GRID2: variants seen among roughly 807,000 people sequenced by gnomAD.
The protein encoded by GRID2 is glutamate ionotropic receptor delta type subunit 2.
In GRID2, 33 loss-of-function variants were observed where a neutral mutation model predicts 114.8. The observed-to-expected ratio is 0.29, with a 90% CI of 0.22 to 0.38. GRID2 has a LOEUF of 0.38. Ranked by LOEUF, GRID2 falls within the 10% of genes least tolerant of loss-of-function variation. The pLI, the probability that GRID2 is intolerant of heterozygous loss-of-function variation, is 1.00. For synonymous variants in GRID2, 505 were observed against 449.9 expected (o/e 1.12, Z -1.55); for missense variants, 1,184 against 1,257.7 (o/e 0.94, Z 0.89).
intron 2 of GRID2, among the ~76,000 whole-genome samples, chr4:92,714,239 T>A (rs191931181): frequency 2.0e-5 from 3 of 152,282 alleles, no homozygotes; most frequent in Non-Finnish European, 4.4e-5. Flanking sequence ...TCCAAAATTA[T>A]CTCCTTTGAC....
At chr4:92,961,875 A>T (rs12186311) in intron 2 of GRID2, among the ~76,000 whole-genome samples, 1 of 150,406 alleles carries the variant, frequency 6.6e-6, no homozygotes. Context: ...ATCTTTTTTT[A>T]TTTTTCTTTT....
chr4:92,878,788 C>G (rs1371818213), intron 2 of GRID2, among the ~76,000 whole-genome samples: 2 of 151,938 alleles, frequency 1.3e-5, no homozygotes, highest in Non-Finnish European at 2.9e-5. Flanking sequence ...GAGATGACAT[C>G]CATACAAGGA....
At chr4:93,427,516 T>G (rs1188360933) in intron 10 of GRID2, among the ~76,000 whole-genome samples, 1 of 152,014 alleles carries the variant, frequency 6.6e-6, no homozygotes, top group Non-Finnish European at 1.5e-5. Flanking sequence ...AGTGCAATTA[T>G]ATATATCATA....
intron 2 of GRID2, among the ~76,000 whole-genome samples, chr4:92,738,419 G>C (rs1051358195): frequency 1.3e-5 from 2 of 152,062 alleles, no homozygotes; most frequent in Admixed American, 6.6e-5. Context: ...CTGTTTCCTT[G>C]GTTGTTGCAG....
At chr4:93,601,119 G>A (rs1193764376) in intron 13 of GRID2, among the ~76,000 whole-genome samples, 1 of 152,208 alleles carries the variant, frequency 6.6e-6, no homozygotes, top group African/African-American at 2.4e-5. Context: ...CATTGAATTT[G>A]AGACTCAAAA....
chr4:93,372,525 C>G (rs1763027225), intron 8 of GRID2, among the ~76,000 whole-genome samples: 1 of 152,032 alleles, frequency 6.6e-6, no homozygotes, highest in Non-Finnish European at 1.5e-5. Context: ...ATTGCTTCCT[C>G]CTTCTTTTCT....
intron 1 of GRID2, among the ~76,000 whole-genome samples, chr4:93,784,330 G>A (rs1043058262): frequency 6.6e-6 from 1 of 151,630 alleles, no homozygotes; most frequent in African/African-American, 2.4e-5. Flanking sequence ...TTTTTTCTGT[G>A]GTATTTCTAT....
At chr4:93,386,411 A>C (rs1455288639) in intron 8 of GRID2, among the ~76,000 whole-genome samples, 1 of 152,208 alleles carries the variant, frequency 6.6e-6, no homozygotes, top group East Asian at 1.9e-4. Context: ...CATAAATATA[A>C]GTCTTCAGTA....
chr4:92,814,532 T>C (rs1003493175), intron 2 of GRID2, among the ~76,000 whole-genome samples: 1 of 152,056 alleles, frequency 6.6e-6, no homozygotes. Context: ...TTGTTGGAAA[T>C]GTTTTCCTCT....
intron 2 of GRID2, among the ~76,000 whole-genome samples, chr4:92,885,841 A>G (rs1428569980): frequency 1.3e-5 from 2 of 152,196 alleles, no homozygotes; most frequent in Non-Finnish European, 2.9e-5. Flanking sequence ...AAATAGCCCA[A>G]GTGGTGGCTG....
intron 2 of GRID2, among the ~76,000 whole-genome samples, chr4:92,723,195 T>C (rs531704286): frequency 1.3e-5 from 2 of 152,180 alleles, no homozygotes; most frequent in South Asian, 4.1e-4. Context: ...TTTAGAAACA[T>C]GGCCTTTGAA....
intron 1 of GRID2, among the ~76,000 whole-genome samples, chr4:92,574,724 C>T (rs1001984295): frequency 6.6e-6 from 1 of 152,028 alleles, no homozygotes; most frequent in African/African-American, 2.4e-5. Context: ...TTGTCGGTCA[C>T]CTGCGTTTTC....
intron 2 of GRID2, among the ~76,000 whole-genome samples, chr4:92,943,021 C>T (rs763316668): frequency 6.6e-6 from 1 of 152,148 alleles, no homozygotes; most frequent in Non-Finnish European, 1.5e-5. Context: ...TTCATTTCAG[C>T]TTTGGTGAAT....
chr4:93,017,435 T>C (rs1722855735), intron 2 of GRID2, among the ~76,000 whole-genome samples: 1 of 152,184 alleles, frequency 6.6e-6, no homozygotes, highest in East Asian at 1.9e-4. Context: ...CTGCTGCTAC[T>C]TTCAAAAAAA....
In GRID2 at chr4:92,696,719, A is replaced by G. The variant is rs900537011; in HGVS notation, c.244+106433A>G. On this transcript the variant is annotated intron_variant, in intron 2 of 15. Transcript: ENST00000282020. ...GATTAGAAAGGCTGTAGAGAGGGGT[A>G]TGATTTAAGAGTGAAAAAATATTTC... Among the ~76,000 whole-genome samples, 21 of 152,124 alleles carry G rather than the reference A, an allele frequency of 1.4e-4. 1 individual carries two copies. The highest frequency in any genetic ancestry group is 1.4e-3 in the Admixed American group (21 of 15,276).
rs1021703739 is a variant in GRID2 at position 92,794,669 on chromosome 4, A to G, written c.244+204383A>G. 3.3e-5 allele frequency among the ~76,000 whole-genome samples: 5 copies of G among 151,476 alleles called. No individual in the cohort carries two copies. In the South Asian group the frequency reaches 1.0e-3, roughly 32 times the overall value. On this transcript the variant is annotated intron_variant, in intron 2 of 15. Coordinates refer to ENST00000282020, the MANE Select transcript of GRID2 (RefSeq NM_001510.4). ...AGTAACCTGGTGAGTGAAAAAAGAA[A>G]AGTAAAAAGAAGGAATAGAGATATC... is the stretch of plus-strand genomic sequence containing the variant.
intron 2 of GRID2, among the ~76,000 whole-genome samples, chr4:92,932,022 T>G (rs541851196): frequency 6.6e-6 from 1 of 151,332 alleles, no homozygotes; most frequent in Admixed American, 6.6e-5. Flanking sequence ...TCTTCTCAAT[T>G]TGGAAGTAGG....
intron 1 of GRID2, among the ~76,000 whole-genome samples, chr4:92,552,210 T>G (rs747974208): frequency 3.5e-4 from 52 of 149,936 alleles, no homozygotes; most frequent in Non-Finnish European, 5.9e-4. Flanking sequence ...AAAACCATAC[T>G]GATACTAGAA....
At chr4:93,048,243 C>T (rs549687745) in intron 2 of GRID2, among the ~76,000 whole-genome samples, 94 of 152,142 alleles carry the variant, frequency 6.2e-4, no homozygotes, top group Middle Eastern at 3.4e-3. Flanking sequence ...GAATTTTTGG[C>T]GCATACAGGA....
Sources: gnomAD v4.1 joint callset for allele counts (sites outside exome capture counted in the v4.1 genomes callset) on GRCh38, gnomAD v4.1.1 for gene constraint, MANE v1.5 for transcripts, NCBI Gene and HGNC (gene_info 2026-07-23, HGNC 2026-07-21) for gene names.